PRELID2: variants seen among roughly 807,000 people sequenced by gnomAD.
PRELID2 encodes the protein PRELI domain containing 2.
PRELID2 carries 25 observed loss-of-function variants against 28.4 expected under a neutral mutation model. That is an observed-to-expected ratio of 0.88 (90% CI 0.64 to 1.23). The LOEUF is 1.23. Among genes scored for constraint, PRELID2 ranks in the 50% most tolerant of loss-of-function variants. PRELID2 has a pLI of 0.00. For missense variants in PRELID2, 201 were observed against 214.4 expected, an observed-to-expected ratio of 0.94 and a Z score of 0.39; for synonymous variants, 76 against 71.6, an observed-to-expected ratio of 1.06 and a Z score of -0.31.
At chr5:145,497,128 C>T (rs1246165770) in intron 1 of PRELID2, among the ~76,000 whole-genome samples, 7 of 152,050 alleles carry the variant, frequency 4.6e-5, no homozygotes, top group African/African-American at 1.7e-4. Context: ...CCTCCCAAAG[C>T]TCTGGGATTA....
intron 1 of PRELID2, among the ~76,000 whole-genome samples, chr5:145,655,296 A>C (rs1266543443): frequency 6.6e-6 from 1 of 152,202 alleles, no homozygotes; most frequent in South Asian, 2.1e-4. Context: ...GATAGGAAGA[A>C]TCAATATCAT....
the PRELID2 span, among the ~76,000 whole-genome samples, chr5:145,416,960 C>T: frequency 6.6e-6 from 1 of 151,756 alleles, no homozygotes; most frequent in Admixed American, 6.6e-5. Context: ...CTAGATAAAA[C>T]TAGTTTTCAA....
chr5:145,691,188 T>C (rs539581067), intron 1 of PRELID2, among the ~76,000 whole-genome samples: 2 of 152,332 alleles, frequency 1.3e-5, no homozygotes, highest in South Asian at 4.1e-4. Flanking sequence ...AGGAGGTTCC[T>C]GGAAGCTCTC....
intron 1 of PRELID2, among the ~76,000 whole-genome samples, chr5:145,833,480 C>A (rs957197051): frequency 1.1e-4 from 16 of 152,188 alleles, no homozygotes; most frequent in Admixed American, 1.0e-3. Context: ...TGGCCTAAGG[C>A]AAAGTCTACA....
chr5:145,663,512 T>C (rs1481717773), intron 1 of PRELID2, among the ~76,000 whole-genome samples: 2 of 152,206 alleles, frequency 1.3e-5, no homozygotes, highest in Admixed American at 6.6e-5. Flanking sequence ...AAGGGACTTA[T>C]ACTGGCTGTG....
the PRELID2 span, among the ~76,000 whole-genome samples, chr5:145,324,984 G>A: frequency 6.6e-6 from 1 of 152,154 alleles, no homozygotes; most frequent in Non-Finnish European, 1.5e-5. Flanking sequence ...TTTCTGAAAA[G>A]TCATGGGGTT....
chr5:145,468,150 A>C (rs1033015634), downstream of PRELID2, among the ~76,000 whole-genome samples: 13 of 152,156 alleles, frequency 8.5e-5, no homozygotes, highest in African/African-American at 3.1e-4. Flanking sequence ...CCCACCTATG[A>C]GTGAGAACAT....
At chr5:145,608,678 C>A (rs747342489) in intron 1 of PRELID2, among the ~76,000 whole-genome samples, 1 of 152,032 alleles carries the variant, frequency 6.6e-6, no homozygotes, top group African/African-American at 2.4e-5. Flanking sequence ...AATATTTTTT[C>A]TTTCATTTCA....
At chr5:145,680,948 C>G (rs1176531267) in intron 1 of PRELID2, among the ~76,000 whole-genome samples, 1 of 152,178 alleles carries the variant, frequency 6.6e-6, no homozygotes. Flanking sequence ...TTCTGACAGC[C>G]TGTATCCAGC....
At chr5:145,525,381 G>A (rs1234788074) in intron 1 of PRELID2, among the ~76,000 whole-genome samples, 1 of 152,182 alleles carries the variant, frequency 6.6e-6, no homozygotes, top group Non-Finnish European at 1.5e-5. Flanking sequence ...CCAAGAATGG[G>A]ACAAAATTTA....
At chr5:145,633,205 G>A (rs1439182052) in intron 1 of PRELID2, among the ~76,000 whole-genome samples, 2 of 152,270 alleles carry the variant, frequency 1.3e-5, no homozygotes, top group African/African-American at 4.8e-5. Flanking sequence ...TCCATGCCTG[G>A]TCTCCTGACC....
At chr5:145,391,152 C>T in the PRELID2 span, among the ~76,000 whole-genome samples, 222 of 152,284 alleles carry the variant, frequency 1.5e-3, 1 homozygote, top group African/African-American at 5.2e-3. Flanking sequence ...TACCATTCTG[C>T]GGTCTGGAGG....
the PRELID2 span, among the ~76,000 whole-genome samples, chr5:145,236,729 A>G: frequency 6.6e-6 from 1 of 152,122 alleles, no homozygotes; most frequent in Admixed American, 6.6e-5. Flanking sequence ...CTGGGCACTG[A>G]CCAAAGTCTC....
intron 5 of PRELID2, chr5:145,795,511 A>G (rs962270941): frequency 1.3e-5 from 2 of 152,178 alleles, no homozygotes; most frequent in African/African-American, 4.8e-5. Flanking sequence ...GAACCTAGAC[A>G]TGCAAAAATG....
chr5:145,606,099 A>AT (rs1213849255), intron 1 of PRELID2, among the ~76,000 whole-genome samples: 1 of 151,942 alleles, frequency 6.6e-6, no homozygotes, highest in African/African-American at 2.4e-5. Flanking sequence ...AATGCTACTG[A>AT]TTTTTGAACA....
intron 1 of PRELID2, among the ~76,000 whole-genome samples, chr5:145,561,369 G>A (rs1174277085): frequency 1.3e-5 from 2 of 152,046 alleles, no homozygotes; most frequent in African/African-American, 4.8e-5. Flanking sequence ...GTGCCGACAA[G>A]AATGAGCAAG....
chr5:145,454,975 T>C, the PRELID2 span, among the ~76,000 whole-genome samples: 5 of 152,194 alleles, frequency 3.3e-5, no homozygotes, highest in Admixed American at 2.6e-4. Flanking sequence ...CAGAAGCTCT[T>C]TAGTTTAATT....
At chr5:145,617,731 C>CTT (rs71581832) in intron 1 of PRELID2, among the ~76,000 whole-genome samples, 1 of 140,582 alleles carries the variant, frequency 7.1e-6, no homozygotes, top group African/African-American at 2.6e-5. Flanking sequence ...TCTTTTCTTT[C>CTT]TTTTTTTTTT....
chr5:145,404,561 A>G, the PRELID2 span, among the ~76,000 whole-genome samples: 1 of 152,230 alleles, frequency 6.6e-6, no homozygotes, highest in Non-Finnish European at 1.5e-5. Context: ...ACCAACAATT[A>G]TAATACAGTG....
Sources: gnomAD v4.1 joint callset for allele counts (sites outside exome capture counted in the v4.1 genomes callset) on GRCh38, gnomAD v4.1.1 for gene constraint, MANE v1.5 for transcripts, NCBI Gene and HGNC (gene_info 2026-07-23, HGNC 2026-07-21) for gene names.